The following CHRM3 variants were observed in gnomAD, a reference collection of about 807,000 sequenced individuals.
CHRM3 encodes cholinergic receptor muscarinic 3.
CHRM3 carries 11 observed loss-of-function variants against 41.8 expected under a neutral mutation model. The observed-to-expected ratio is 0.26, with a 90% CI of 0.17 to 0.44. The LOEUF (loss-of-function observed/expected upper bound fraction) is 0.44. Ranked by LOEUF, CHRM3 falls within the 20% of genes least tolerant of loss-of-function variation. The pLI, the probability that CHRM3 is intolerant of heterozygous loss-of-function variation, is 1.00. For synonymous variants in CHRM3, 297 were observed against 301.4 expected (o/e 0.99, Z 0.15); for missense variants, 571 against 745.4 (o/e 0.77, Z 2.72).
intron 5 of CHRM3, among the ~76,000 whole-genome samples, chr1:239,824,957 T>A (rs1418320924): frequency 1.3e-5 from 2 of 152,212 alleles, no homozygotes; most frequent in Non-Finnish European, 2.9e-5. Flanking sequence ...CTTTAGCCCA[T>A]CTTCATCAGT....
chr1:239,759,396 G>A (rs541299662), intron 5 of CHRM3, among the ~76,000 whole-genome samples: 5 of 151,050 alleles, frequency 3.3e-5, no homozygotes, highest in South Asian at 4.2e-4. Flanking sequence ...ATGGAAGTGA[G>A]GATGAATATA....
chr1:239,623,475 G>A (rs1668645655), intron 3 of CHRM3, among the ~76,000 whole-genome samples: 1 of 133,750 alleles, frequency 7.5e-6, no homozygotes, highest in Non-Finnish European at 1.6e-5. Context: ...GTATTCCATG[G>A]TGTATAAGTT....
At chr1:239,725,929 C>T (rs1164340326) in intron 5 of CHRM3, among the ~76,000 whole-genome samples, 1 of 151,900 alleles carries the variant, frequency 6.6e-6, no homozygotes, top group Non-Finnish European at 1.5e-5. Context: ...ATTACAAAAA[C>T]ACCAGTGTAA....
At chr1:239,533,049 C>T (rs943122721) in intron 2 of CHRM3, among the ~76,000 whole-genome samples, 1 of 152,124 alleles carries the variant, frequency 6.6e-6, no homozygotes, top group African/African-American at 2.4e-5. Context: ...ATTTCCCTTT[C>T]GATGAGAAAA....
At chr1:239,470,287 A>G (rs1666024158) in intron 1 of CHRM3, among the ~76,000 whole-genome samples, 1 of 152,088 alleles carries the variant, frequency 6.6e-6, no homozygotes, top group South Asian at 2.1e-4. Context: ...AGAATGTAGA[A>G]CCAACTCTCC....
chr1:239,897,159 C>T (rs754639526), intron 6 of CHRM3, among the ~76,000 whole-genome samples: 10 of 152,290 alleles, frequency 6.6e-5, no homozygotes, highest in Admixed American at 2.6e-4. Context: ...GTTTAATGCG[C>T]GCCTCCCACA....
intron 6 of CHRM3, among the ~76,000 whole-genome samples, chr1:239,874,291 A>ATATATATATATATATATCTATATACACAG (rs1558198917): frequency 4.0e-4 from 27 of 67,388 alleles, no homozygotes; most frequent in African/African-American, 1.6e-3. Flanking sequence ...CACAGTATAT[A>ATATATATATATATATATCTATATACACAG]TATATATATA....
intron 6 of CHRM3, among the ~76,000 whole-genome samples, chr1:239,828,206 A>C (rs1672612812): frequency 6.6e-6 from 1 of 152,184 alleles, no homozygotes; most frequent in Non-Finnish European, 1.5e-5. Flanking sequence ...ATAGATATAG[A>C]CACATACATA....
intron 5 of CHRM3, among the ~76,000 whole-genome samples, chr1:239,742,092 GT>G (rs11286028): frequency 0.97 from 144,936 of 150,030 alleles, 70,177 homozygotes; most frequent in East Asian, 1. Flanking sequence ...GCATGCATAC[GT>G]TTTTTTTTTT....
intron 4 of CHRM3, among the ~76,000 whole-genome samples, chr1:239,634,377 G>A (rs915577442): frequency 2.7e-5 from 3 of 110,826 alleles, no homozygotes; most frequent in South Asian, 6.3e-4. Flanking sequence ...AAGAACAAAC[G>A]AAAGAAAGAA....
At chr1:239,529,625 A>C (rs1167450346) in intron 2 of CHRM3, among the ~76,000 whole-genome samples, 9 of 106,270 alleles carry the variant, frequency 8.5e-5, no homozygotes, top group Non-Finnish European at 1.7e-4. Context: ...AAAAAAAAAA[A>C]AAAAAACAAA....
intron 1 of CHRM3, among the ~76,000 whole-genome samples, chr1:239,398,393 G>A (rs1368279419): frequency 6.6e-6 from 1 of 151,950 alleles, no homozygotes; most frequent in Non-Finnish European, 1.5e-5. Context: ...GTGCCACCAC[G>A]CCTGGCTAAT....
At chr1:239,428,824 A>G (rs1485907604) in intron 1 of CHRM3, among the ~76,000 whole-genome samples, 3 of 152,204 alleles carry the variant, frequency 2.0e-5, no homozygotes, top group Middle Eastern at 3.2e-3. Context: ...TTTTAAAAAT[A>G]TATTGTCTGT....
chr1:239,570,690 C>T (rs559672394), intron 3 of CHRM3, among the ~76,000 whole-genome samples: 129 of 152,064 alleles, frequency 8.5e-4, no homozygotes, highest in Admixed American at 1.5e-3. Flanking sequence ...CAAATCAAAA[C>T]GATGAAATGG....
At chr1:239,782,284 C>T (rs1166218897) in intron 5 of CHRM3, among the ~76,000 whole-genome samples, 3 of 151,994 alleles carry the variant, frequency 2.0e-5, no homozygotes, top group African/African-American at 7.2e-5. Context: ...TTTAATTTCT[C>T]TAATGGATAT....
chr1:239,633,732 C>T (rs1670127707), intron 4 of CHRM3, among the ~76,000 whole-genome samples: 1 of 151,576 alleles, frequency 6.6e-6, no homozygotes, highest in African/African-American at 2.4e-5. Flanking sequence ...CCACCCACCC[C>T]TTCTTGCAAT....
chr1:239,607,139 G>A (rs1423633091), intron 3 of CHRM3, among the ~76,000 whole-genome samples: 2 of 152,110 alleles, frequency 1.3e-5, no homozygotes, highest in Non-Finnish European at 2.9e-5. Context: ...CCTCAGAAGA[G>A]TATTTATACA....
chr1:239,913,183 G>A lies in CHRM3; in HGVS notation c.*3959G>A, dbSNP rs1680457911. On this transcript the variant is annotated 3_prime_UTR_variant, in exon 7 of 7. Transcript: ENST00000676153. ...GGTAACCAAGGAAGCTTTGAAATTT[G>A]TTGGCAAACCCGGAGTAGTATGGTT... is the stretch of plus-strand genomic sequence containing the variant. 1 of 167,042 alleles carries A rather than the reference G, an allele frequency of 6.0e-6. No homozygotes were observed. The highest frequency in any genetic ancestry group is 1.5e-5 in the Non-Finnish European group (1 of 68,120). The allele number at this position is 167,042 out of a possible 1,614,324, so 10.3% of individuals were successfully genotyped here.
At chr1:239,834,504 C>T (rs1166546075) in intron 6 of CHRM3, among the ~76,000 whole-genome samples, 2 of 151,958 alleles carry the variant, frequency 1.3e-5, no homozygotes, top group South Asian at 2.1e-4. Flanking sequence ...AATAGAAATA[C>T]CCAGCCACTA....
Sources: allele counts gnomAD v4.1 joint callset (sites outside exome capture counted in the v4.1 genomes callset), GRCh38; gene constraint gnomAD v4.1.1; transcripts MANE v1.5; gene names NCBI Gene and HGNC (gene_info 2026-07-23, HGNC 2026-07-21).